Variants in AGAP1 observed in about 807,000 individuals in gnomAD.
The protein encoded by AGAP1 is arf-GAP with GTPase, ANK repeat and PH domain-containing protein 1.
A neutral mutation model predicts 105.3 loss-of-function variants in AGAP1; 29 were observed. The observed-to-expected ratio is 0.28, with a 90% CI of 0.21 to 0.38. AGAP1 has a LOEUF of 0.38. Ranked by LOEUF, AGAP1 falls within the 10% of genes least tolerant of loss-of-function variation. The pLI is 1.00. For synonymous variants in AGAP1, 509 were observed against 485.9 expected (o/e 1.05, Z -0.63); for missense variants, 998 against 1,165.1 (o/e 0.86, Z 2.09).
chr2:235,602,401 C>T (rs1227066336), intron 1 of AGAP1, among the ~76,000 whole-genome samples: 2 of 152,166 alleles, frequency 1.3e-5, no homozygotes, highest in African/African-American at 4.8e-5. Flanking sequence ...GGCAGTGGAA[C>T]TTTGTTAACC....
intron 13 of AGAP1, among the ~76,000 whole-genome samples, chr2:235,995,453 G>A (rs1413146351): frequency 6.6e-6 from 1 of 152,184 alleles, no homozygotes; most frequent in African/African-American, 2.4e-5. Context: ...GGCAGAGTTT[G>A]CAGTGAGCCG....
At chr2:235,505,974 A>G (rs527385137) in intron 1 of AGAP1, among the ~76,000 whole-genome samples, 1 of 142,360 alleles carries the variant, frequency 7.0e-6, no homozygotes, top group Non-Finnish European at 1.5e-5. Flanking sequence ...TCTGTCGCCC[A>G]GGCTGGAGTG....
chr2:235,627,956 G>A (rs1946695284), intron 1 of AGAP1, among the ~76,000 whole-genome samples: 1 of 152,136 alleles, frequency 6.6e-6, no homozygotes, highest in Non-Finnish European at 1.5e-5. Flanking sequence ...AGGAAATGGT[G>A]CGTTTGGTGG....
intron 10 of AGAP1, among the ~76,000 whole-genome samples, chr2:235,899,040 A>G (rs1349295255): frequency 6.6e-6 from 1 of 152,252 alleles, no homozygotes; most frequent in Non-Finnish European, 1.5e-5. Flanking sequence ...AAATACGTAT[A>G]GAAGACTTCT....
rs1247561151 is a variant in AGAP1 at position 235,596,126 on chromosome 2, G to T, written c.163+101277G>T. ...GTCTTTCCATGGAAATCACCCATAA[G>T]CACAGCCTTCAGTCTAACTTCATGT... On this transcript the variant is annotated intron_variant, in intron 1 of 17. Coordinates refer to ENST00000304032, the MANE Select transcript of AGAP1 (RefSeq NM_001037131.3). The surrounding 1 kb of genome is among the most constrained non-coding windows in gnomAD (Gnocchi z 5.9). Among the ~76,000 whole-genome samples the T allele has an allele frequency of 6.6e-6, 1 of 152,168 alleles. No homozygotes were observed. The highest frequency in any genetic ancestry group is 1.5e-5 in the Non-Finnish European group (1 of 68,032).
intron 8 of AGAP1, among the ~76,000 whole-genome samples, chr2:235,806,585 C>G (rs968688172): frequency 5.3e-5 from 8 of 152,204 alleles, no homozygotes; most frequent in Admixed American, 2.6e-4. Context: ...GACTCAGGAC[C>G]TTGTCAAATA....
intron 9 of AGAP1, among the ~76,000 whole-genome samples, chr2:235,869,462 G>A (rs183904240): frequency 0.011 from 1,658 of 147,096 alleles, 36 homozygotes; most frequent in African/African-American, 0.039. Flanking sequence ...TTAGCCGGGC[G>A]TGACGGCAGG....
At chr2:235,813,830 T>C (rs1958296585) in intron 9 of AGAP1, among the ~76,000 whole-genome samples, 2 of 152,150 alleles carry the variant, frequency 1.3e-5, no homozygotes, top group South Asian at 4.1e-4. Flanking sequence ...GGAGAATGAG[T>C]GCAACGTTTA....
At chr2:235,546,503 C>T (rs1013966866) in intron 1 of AGAP1, among the ~76,000 whole-genome samples, 1 of 152,194 alleles carries the variant, frequency 6.6e-6, no homozygotes, top group Non-Finnish European at 1.5e-5. Flanking sequence ...CTGGGACCCG[C>T]ATGTCTGTCA....
At chr2:236,100,298 C>T (rs2059315016) in intron 16 of AGAP1, among the ~76,000 whole-genome samples, 1 of 152,178 alleles carries the variant, frequency 6.6e-6, no homozygotes, top group Admixed American at 6.5e-5. Flanking sequence ...GAAAATAAAA[C>T]ATCTGACCAG....
At chr2:235,808,552 T>C (rs572278367) in intron 9 of AGAP1, among the ~76,000 whole-genome samples, 1 of 152,204 alleles carries the variant, frequency 6.6e-6, no homozygotes, top group East Asian at 1.9e-4. Flanking sequence ...TCCACAGAGT[T>C]TCCCAAGGAG....
Position 236,009,314 on chromosome 2 carries a change from C to T in AGAP1, c.1646-27247C>T, listed in dbSNP as rs997211823. Among the ~76,000 whole-genome samples the T allele has an allele frequency of 1.3e-5, 2 of 152,146 alleles. No individual in the cohort carries two copies. The highest frequency in any genetic ancestry group is 6.5e-5 in the Admixed American group (1 of 15,270). On this transcript the variant is annotated intron_variant, in intron 13 of 17. Transcript: ENST00000304032. This position sits in a 1 kb window ranked among gnomAD's most constrained non-coding sequence, Gnocchi z 4.2. ...TGAAATCGCCACGGACAAAAGATCA[C>T]GGGATACCGGGAGCACTAAACTGGA...
rs746621667 is a variant in AGAP1, at chr2:235,983,530, T to C, written c.1645+14907T>C. On this transcript the variant is annotated intron_variant, in intron 13 of 17. Transcript: ENST00000304032. This position sits in a 1 kb window ranked among gnomAD's most constrained non-coding sequence, Gnocchi z 4.5. Reference sequence around the variant, plus strand: ...TTTCTCCCTTTCTTATTCTCTTTTTTCTTTGAACTTTTTTTTATTGTGGCA... The same window carrying C: ...TTTCTCCCTTTCTTATTCTCTTTTTCCTTTGAACTTTTTTTTATTGTGGCA... 1.3e-5 allele frequency among the ~76,000 whole-genome samples: 2 copies of C among 152,244 alleles called. No homozygotes were observed. The highest frequency in any genetic ancestry group is 1.3e-4 in the Admixed American group (2 of 15,288).
At chr2:235,504,151 C>CT (rs111875133) in intron 1 of AGAP1, among the ~76,000 whole-genome samples, 6,534 of 149,598 alleles carry the variant, frequency 0.044, 179 homozygotes, top group Middle Eastern at 0.16. Flanking sequence ...CTCGAACTCT[C>CT]TTTTTTTTTT....
chr2:235,536,468 T>C (rs1411611096), intron 1 of AGAP1, among the ~76,000 whole-genome samples: 11 of 48,992 alleles, frequency 2.2e-4, no homozygotes, highest in Admixed American at 2.0e-3. Context: ...TGTGGCATCC[T>C]ACACACACAC....
At chr2:235,802,852 ATGGTTGTGATGGTGATGATGCTGCTTG>A (rs1411228085) in intron 8 of AGAP1, among the ~76,000 whole-genome samples, 2 of 119,400 alleles carry the variant, frequency 1.7e-5, no homozygotes, top group Non-Finnish European at 3.4e-5. Context: ...GGTTGTGATG[ATGGTTGTGATGGTGATGATGCTGCTTG>A]TGGTTGTGAT....
rs2058741118 is a variant in AGAP1, at chr2:236,080,071, C to A, written c.2114+30790C>A. 6.6e-6 allele frequency among the ~76,000 whole-genome samples: 1 copy of A among 152,236 alleles called. No individual in the cohort carries two copies. Among genetic ancestry groups the A allele is most frequent in the African/African-American group, 2.4e-5 (1 of 41,464 alleles). Reference sequence around the variant, plus strand: ...TGATGTAGTCAGGGCCCCATGGCATCCGCACACATCAAGGGCTGCATTGCA... The same window carrying A: ...TGATGTAGTCAGGGCCCCATGGCATACGCACACATCAAGGGCTGCATTGCA... On this transcript the variant is annotated intron_variant, in intron 16 of 17. Coordinates refer to ENST00000304032, the MANE Select transcript of AGAP1 (RefSeq NM_001037131.3). The surrounding 1 kb of genome is among the most constrained non-coding windows in gnomAD (Gnocchi z 4.2).
rs2054578813 is a variant in AGAP1, at chr2:235,970,122, AAC to A, written c.1645+1500_1645+1501del. On this transcript the variant is annotated intron_variant, in intron 13 of 17. Transcript: ENST00000304032. This position sits in a 1 kb window ranked among gnomAD's most constrained non-coding sequence, Gnocchi z 5.4. ...GAGGCTGAGGCAGGAGCATTGATTG[AAC>A]CCAGGAGGTGGAGGTTGCAGTGAAC... Among the ~76,000 whole-genome samples, 1 of 151,200 alleles carries A rather than the reference AAC, an allele frequency of 6.6e-6. No individual in the cohort carries two copies. Among genetic ancestry groups the A allele is most frequent in the South Asian group, 2.1e-4 (1 of 4,750 alleles).
At chr2:236,107,411 C>A (rs552212023) in intron 16 of AGAP1, among the ~76,000 whole-genome samples, 1 of 152,254 alleles carries the variant, frequency 6.6e-6, no homozygotes, top group South Asian at 2.1e-4. Context: ...TGTCCTGGTC[C>A]CACATCTCCT....
Sources: allele counts gnomAD v4.1 joint callset (sites outside exome capture counted in the v4.1 genomes callset), GRCh38; gene constraint gnomAD v4.1.1; non-coding constraint Gnocchi (gnomAD v3.1); transcripts MANE v1.5; gene names NCBI Gene and HGNC (gene_info 2026-07-23, HGNC 2026-07-21).